Variants in SLC39A9 observed in about 807,000 individuals in gnomAD.
SLC39A9 encodes zinc transporter ZIP9.
A neutral mutation model predicts 28.4 loss-of-function variants in SLC39A9; 14 were observed. That is an observed-to-expected ratio of 0.49 (90% CI 0.33 to 0.77). SLC39A9 has a LOEUF of 0.77. Among genes scored for constraint, SLC39A9 ranks in the 30% least tolerant of loss-of-function variants. The pLI, the probability that SLC39A9 is intolerant of heterozygous loss-of-function variation, is 0.02. For missense variants in SLC39A9, 283 were observed against 381.1 expected (o/e 0.74, Z 2.14); for synonymous variants, 119 against 149.6 (o/e 0.80, Z 1.49).
At chr14:69,456,255 G>A (rs1046781515) in intron 6 of SLC39A9, among the ~76,000 whole-genome samples, 8 of 152,182 alleles carry the variant, frequency 5.3e-5, no homozygotes, top group African/African-American at 1.7e-4. Flanking sequence ...GCTTTGAGAA[G>A]AGCAGCAGCT....
At chr14:69,446,847 T>A (rs1322742008) in intron 3 of SLC39A9, among the ~76,000 whole-genome samples, 1 of 130,000 alleles carries the variant, frequency 7.7e-6, no homozygotes, top group East Asian at 2.2e-4. Context: ...CACTCCAGCC[T>A]GGGAGACAAG....
At chr14:69,406,848 GTTTTTTTTTTTT>G (rs398025544) in intron 1 of SLC39A9, among the ~76,000 whole-genome samples, 1 of 95,892 alleles carries the variant, frequency 1.0e-5, no homozygotes, top group Non-Finnish European at 1.9e-5. Flanking sequence ...GAAATTCTTT[GTTTTTTTTTTTT>G]TTTTTTTTGA....
intron 1 of SLC39A9, among the ~76,000 whole-genome samples, chr14:69,409,872 C>T (rs1026728001): frequency 2.6e-5 from 4 of 152,126 alleles, no homozygotes; most frequent in Non-Finnish European, 1.5e-5. Context: ...TTTTAAAATG[C>T]ATTTTTACAA....
At chr14:69,434,083 C>CTTTTT (rs570635766) in intron 2 of SLC39A9, among the ~76,000 whole-genome samples, 5 of 128,324 alleles carry the variant, frequency 3.9e-5, no homozygotes, top group Non-Finnish European at 4.9e-5. Context: ...CTTTTCTTTT[C>CTTTTT]TTTTTTTTTT....
intron 1 of SLC39A9, among the ~76,000 whole-genome samples, chr14:69,416,780 A>G (rs1357555688): frequency 1.3e-5 from 2 of 152,108 alleles, no homozygotes; most frequent in Non-Finnish European, 2.9e-5. Flanking sequence ...CTTTTGAGAA[A>G]TGTCTGTTCA....
chr14:69,422,522 G>A (rs573399175), intron 1 of SLC39A9, among the ~76,000 whole-genome samples: 1 of 152,100 alleles, frequency 6.6e-6, no homozygotes, highest in Non-Finnish European at 1.5e-5. Context: ...ACGATCCTCT[G>A]CTTCCACCAC....
At chr14:69,419,644 T>C (rs562831967) in intron 1 of SLC39A9, among the ~76,000 whole-genome samples, 1 of 152,328 alleles carries the variant, frequency 6.6e-6, no homozygotes, top group African/African-American at 2.4e-5. Context: ...CTCAGTCTCT[T>C]TGCAGTTCTC....
intron 3 of SLC39A9, 65 bp from the exon 4 acceptor site, chr14:69,453,176 A>G (rs1885697381): frequency 1.6e-5 from 23 of 1,414,078 alleles, no homozygotes; most frequent in Non-Finnish European, 2.2e-5. Flanking sequence ...TTTCACCTCC[A>G]GACCAATGTT....
At chr14:69,399,562 C>T in intron 1 of SLC39A9, 97 bp downstream of exon 1, 1 of 861,860 alleles carries the variant, frequency 1.2e-6, no homozygotes, top group Non-Finnish European at 1.9e-6. Flanking sequence ...AATCTCAAAG[C>T]TGAAGGTCTC....
chr14:69,437,296 A>G (rs1043824022), intron 2 of SLC39A9, among the ~76,000 whole-genome samples: 1 of 152,196 alleles, frequency 6.6e-6, no homozygotes, highest in African/African-American at 2.4e-5. Flanking sequence ...GAGGTAGAGA[A>G]AAAAAGGGGA....
intron 1 of SLC39A9, among the ~76,000 whole-genome samples, chr14:69,413,720 GGA>G (rs1463234364): frequency 6.6e-6 from 1 of 151,714 alleles, no homozygotes; most frequent in African/African-American, 2.4e-5. Flanking sequence ...CATCTTTTTT[GGA>G]GATAAATTTT....
At chr14:69,419,308 G>A (rs2140268164) in intron 1 of SLC39A9, among the ~76,000 whole-genome samples, 1 of 152,306 alleles carries the variant, frequency 6.6e-6, no homozygotes. Flanking sequence ...TAGTTGTGCG[G>A]TTTTGAGTGA....
intron 1 of SLC39A9, among the ~76,000 whole-genome samples, chr14:69,400,567 C>A (rs954710627): frequency 2.6e-5 from 4 of 152,120 alleles, no homozygotes; most frequent in African/African-American, 7.2e-5. Flanking sequence ...GTTTCAGTGC[C>A]ATTCCTGAAA....
chr14:69,402,002 A>G (rs954237327), intron 1 of SLC39A9, among the ~76,000 whole-genome samples: 5 of 152,172 alleles, frequency 3.3e-5, no homozygotes, highest in African/African-American at 9.7e-5. Context: ...ACTGGAAAGC[A>G]CCATTTCTTT....
chr14:69,435,776 G>A (rs180780797), intron 2 of SLC39A9, among the ~76,000 whole-genome samples: 1,672 of 152,032 alleles, frequency 0.011, 40 homozygotes, highest in African/African-American at 0.039. Flanking sequence ...GGGTTCAAGC[G>A]ATTCTCCTGC....
intron 1 of SLC39A9, among the ~76,000 whole-genome samples, chr14:69,418,466 G>A (rs753580681): frequency 3.9e-5 from 6 of 151,966 alleles, no homozygotes; most frequent in Non-Finnish European, 8.8e-5. Context: ...CCAGGCTTTG[G>A]TATCAGGATG....
chr14:69,445,698 T>C (rs1046984819), intron 3 of SLC39A9, among the ~76,000 whole-genome samples: 4 of 152,116 alleles, frequency 2.6e-5, no homozygotes, highest in African/African-American at 7.2e-5. Context: ...ACAAAAGACA[T>C]TTATTAACTG....
intron 1 of SLC39A9, among the ~76,000 whole-genome samples, chr14:69,413,386 C>T (rs906694800): frequency 2.6e-5 from 4 of 151,734 alleles, no homozygotes; most frequent in Admixed American, 6.6e-5. Flanking sequence ...TTCAAAGAAT[C>T]GATACAGGAT....
chr14:69,439,335 T>A (rs935144433), intron 2 of SLC39A9, among the ~76,000 whole-genome samples: 19 of 151,980 alleles, frequency 1.3e-4, no homozygotes, highest in Non-Finnish European at 1.5e-4. Flanking sequence ...GTATAATTTT[T>A]AAAAAAATAA....
Sources: gnomAD v4.1 joint callset for allele counts (sites outside exome capture counted in the v4.1 genomes callset) on GRCh38, gnomAD v4.1.1 for gene constraint, MANE v1.5 for transcripts, NCBI Gene and HGNC (gene_info 2026-07-23, HGNC 2026-07-21) for gene names.